The following GRAMD1C variants were observed in gnomAD, a reference collection of about 807,000 sequenced individuals.
The protein encoded by GRAMD1C is GRAM domain containing 1C.
A neutral mutation model predicts 97.8 loss-of-function variants in GRAMD1C; 89 were observed. The observed-to-expected ratio is 0.91, with a 90% CI of 0.77 to 1.09. The LOEUF is 1.09. GRAMD1C is among the 50% of genes least tolerant of loss of function. GRAMD1C has a pLI of 0.00. For synonymous variants in GRAMD1C, 256 were observed against 267.0 expected, an observed-to-expected ratio of 0.96 and a Z score of 0.40; for missense variants, 740 against 766.4, an observed-to-expected ratio of 0.97 and a Z score of 0.41.
intron 6 of GRAMD1C, among the ~76,000 whole-genome samples, chr3:113,884,079 T>C (rs1273252020): frequency 6.6e-6 from 1 of 152,092 alleles, no homozygotes; most frequent in Non-Finnish European, 1.5e-5. Flanking sequence ...CAAGGAAATA[T>C]AAGACTTGAA....
chr3:113,874,437 C>T (rs1353383375), intron 3 of GRAMD1C, among the ~76,000 whole-genome samples: 1 of 152,016 alleles, frequency 6.6e-6, no homozygotes, highest in Non-Finnish European at 1.5e-5. Context: ...CAACCATCAC[C>T]TTCCAGGTTC....
chr3:113,861,144 A>C (rs1341285772), intron 2 of GRAMD1C, among the ~76,000 whole-genome samples: 1 of 152,152 alleles, frequency 6.6e-6, no homozygotes, highest in Admixed American at 6.5e-5. Flanking sequence ...ACACATGCAA[A>C]GGAATGAATT....
In GRAMD1C at chr3:113,859,924, C is replaced by T. The variant is rs138690019; in HGVS notation, c.175-9583C>T. On this transcript the variant is annotated intron_variant, in intron 2 of 17. Transcript: ENST00000358160. ...GGCCAGTATTACCTTGATTCCAAAA[C>T]CAAAGCTAATTGTAATTCTATACAC... Among the ~76,000 whole-genome samples the T allele has an allele frequency of 5.8e-4, 89 of 152,296 alleles. 1 individual carries two copies. The highest frequency in any genetic ancestry group is 2.1e-3 in the African/African-American group (89 of 41,552).
At position 113,928,947 on chromosome 3, in the gene GRAMD1C, C is replaced by T. The variant is rs1010138443; in HGVS notation, c.1091-1767C>T. ...ACCACGAACATTGACATACAACTGTCTGTTCAGGTCCCTGCTTCCAGTTCT... is the reference window on the plus strand; with the variant it reads ...ACCACGAACATTGACATACAACTGTTTGTTCAGGTCCCTGCTTCCAGTTCT... On this transcript the variant is annotated intron_variant, in intron 10 of 17. Coordinates refer to ENST00000358160, the MANE Select transcript of GRAMD1C (RefSeq NM_017577.5). Among the ~76,000 whole-genome samples the T allele has an allele frequency of 3.4e-5, 5 of 145,800 alleles. No individual in the cohort carries two copies. In the Admixed American group the frequency reaches 3.6e-4, roughly 10 times the overall value.
At chr3:113,884,721 C>G (rs1013178791) in intron 6 of GRAMD1C, among the ~76,000 whole-genome samples, 1 of 151,888 alleles carries the variant, frequency 6.6e-6, no homozygotes, top group Non-Finnish European at 1.5e-5. Context: ...CACCTGTAGT[C>G]CCAGCTACTC....
chr3:113,914,350 T>C (rs1358851500), intron 9 of GRAMD1C, among the ~76,000 whole-genome samples: 1 of 152,208 alleles, frequency 6.6e-6, no homozygotes, highest in African/African-American at 2.4e-5. Context: ...CATAAGTCCT[T>C]TATGCCTCTA....
intron 6 of GRAMD1C, among the ~76,000 whole-genome samples, chr3:113,900,595 ATT>A (rs71633338): frequency 1.5e-5 from 2 of 137,532 alleles, no homozygotes. Context: ...CAATTTTTGT[ATT>A]TTTTTTTTTT....
chr3:113,898,665 A>G (rs1036812391), intron 6 of GRAMD1C, among the ~76,000 whole-genome samples: 2 of 152,140 alleles, frequency 1.3e-5, no homozygotes, highest in African/African-American at 4.8e-5. Flanking sequence ...ATATTAAAAC[A>G]TCACTACTTG....
intron 17 of GRAMD1C, 24 bp downstream of exon 17, chr3:113,940,369 T>C: frequency 8.9e-7 from 1 of 1,127,888 alleles, no homozygotes; most frequent in Non-Finnish European, 1.4e-6. Flanking sequence ...TACATCACAG[T>C]ACTTAGTATC....
intron 5 of GRAMD1C, among the ~76,000 whole-genome samples, chr3:113,878,682 G>A (rs1935143658): frequency 1.3e-5 from 2 of 152,068 alleles, no homozygotes. Flanking sequence ...ACACCACAGA[G>A]TTTATTTTTG....
chr3:113,910,121 C>G (rs188174478), intron 9 of GRAMD1C, among the ~76,000 whole-genome samples: 2 of 152,140 alleles, frequency 1.3e-5, no homozygotes, highest in Non-Finnish European at 2.9e-5. Flanking sequence ...CAGTGGCTCA[C>G]GCCTGTAATC....
intron 2 of GRAMD1C, among the ~76,000 whole-genome samples, chr3:113,854,552 G>A (rs1202358178): frequency 6.6e-6 from 1 of 152,108 alleles, no homozygotes; most frequent in Non-Finnish European, 1.5e-5. Context: ...TGCAAGATGG[G>A]GGTTGTTAAG....
intron 2 of GRAMD1C, among the ~76,000 whole-genome samples, chr3:113,859,944 A>G (rs1240866288): frequency 6.6e-6 from 1 of 152,248 alleles, no homozygotes; most frequent in Non-Finnish European, 1.5e-5. Flanking sequence ...TTGTAATTCT[A>G]TACACTGGCA....
intron 11 of GRAMD1C, among the ~76,000 whole-genome samples, 163 bp from the exon 12 acceptor site, chr3:113,933,348 A>C (rs1176271551): frequency 6.6e-6 from 1 of 152,166 alleles, no homozygotes; most frequent in Non-Finnish European, 1.5e-5. Flanking sequence ...TTCTCAATTT[A>C]TGGACAACAG....
intron 6 of GRAMD1C, among the ~76,000 whole-genome samples, chr3:113,895,396 A>G (rs1935896577): frequency 6.6e-6 from 1 of 152,132 alleles, no homozygotes; most frequent in South Asian, 2.1e-4. Flanking sequence ...TAGGATAGTG[A>G]CAGCTCTGAG....
At chr3:113,882,690 T>C (rs1559793005) in intron 5 of GRAMD1C, 62 bp from the exon 6 acceptor site, 3 of 962,594 alleles carry the variant, frequency 3.1e-6, no homozygotes, top group Admixed American at 1.7e-5. Context: ...TAGACTTTCA[T>C]GACAGATAAT....
At chr3:113,887,086 T>TTTTTTTTTG (rs1935526928) in intron 6 of GRAMD1C, among the ~76,000 whole-genome samples, 1 of 61,362 alleles carries the variant, frequency 1.6e-5, no homozygotes, top group African/African-American at 6.5e-5. Context: ...GGCCTTTTTG[T>TTTTTTTTTG]TTTTTTTTTG....
At chr3:113,917,389 T>C (rs1290655074) in intron 10 of GRAMD1C, among the ~76,000 whole-genome samples, 1 of 152,126 alleles carries the variant, frequency 6.6e-6, no homozygotes, top group Non-Finnish European at 1.5e-5. Flanking sequence ...AGAGGTGCGA[T>C]CTCGGCTCAC....
intron 1 of GRAMD1C, among the ~76,000 whole-genome samples, chr3:113,831,811 A>T (rs113597112): frequency 0.015 from 2,210 of 152,192 alleles, 50 homozygotes; most frequent in African/African-American, 0.048. Context: ...ATTCTTCATT[A>T]GGTGAGACAT....
Sources: allele counts gnomAD v4.1 joint callset (sites outside exome capture counted in the v4.1 genomes callset), GRCh38; gene constraint gnomAD v4.1.1; transcripts MANE v1.5; gene names NCBI Gene and HGNC (gene_info 2026-07-23, HGNC 2026-07-21).